Variants in RIT2 observed in about 807,000 individuals in gnomAD.
RIT2 encodes GTP-binding protein Rit2.
Under a neutral mutation model 23.7 loss-of-function variants are expected in RIT2, and 24 were observed. That is an observed-to-expected ratio of 1.01 (90% CI 0.73 to 1.43). The LOEUF (loss-of-function observed/expected upper bound fraction) is 1.43, where lower values mean the gene tolerates loss of function less well. RIT2 is among the 40% of genes most tolerant of loss of function. RIT2 has a pLI of 0.00. For synonymous variants in RIT2, 107 were observed against 91.1 expected, an observed-to-expected ratio of 1.17 and a Z score of -0.99; for missense variants, 236 against 266.9, an observed-to-expected ratio of 0.88 and a Z score of 0.81.
chr18:42,981,409 G>A (rs1910595253), intron 2 of RIT2, among the ~76,000 whole-genome samples: 1 of 152,116 alleles, frequency 6.6e-6, no homozygotes, highest in Non-Finnish European at 1.5e-5. Context: ...TCATCTGATG[G>A]ACCCTCGGAG....
intron 4 of RIT2, among the ~76,000 whole-genome samples, chr18:42,776,757 A>G (rs1375631773): frequency 6.6e-6 from 1 of 152,140 alleles, no homozygotes; most frequent in Non-Finnish European, 1.5e-5. Flanking sequence ...TCACACTCTC[A>G]ATTATTGTTC....
chr18:42,806,081 G>A (rs1905674095), intron 4 of RIT2, among the ~76,000 whole-genome samples: 1 of 138,344 alleles, frequency 7.2e-6, no homozygotes, highest in Non-Finnish European at 1.5e-5. Context: ...GTAATCAAAA[G>A]TGGAGATTTA....
chr18:42,808,952 T>C (rs1016109164), intron 4 of RIT2, among the ~76,000 whole-genome samples: 1 of 152,152 alleles, frequency 6.6e-6, no homozygotes, highest in Middle Eastern at 3.2e-3. Flanking sequence ...CCAAGCTTTC[T>C]AGCAACGTTA....
chr18:43,001,669 T>C (rs1219872890), intron 2 of RIT2, among the ~76,000 whole-genome samples: 1 of 151,970 alleles, frequency 6.6e-6, no homozygotes, highest in Non-Finnish European at 1.5e-5. Flanking sequence ...TATTAGGGCA[T>C]TTGGGATTTT....
intron 4 of RIT2, among the ~76,000 whole-genome samples, chr18:42,760,900 G>T (rs778037575): frequency 6.6e-6 from 1 of 152,176 alleles, no homozygotes; most frequent in Non-Finnish European, 1.5e-5. Context: ...GAGAGGGTAA[G>T]GTTGGGGACT....
chr18:42,744,913 G>A (rs769331537), intron 4 of RIT2, among the ~76,000 whole-genome samples: 19 of 152,262 alleles, frequency 1.2e-4, no homozygotes, highest in Non-Finnish European at 2.2e-4. Flanking sequence ...TCATGCTGTT[G>A]TAATGGATCT....
rs199507204 is a variant in RIT2, at chr18:42,990,914, T to TTG, written c.161-16768_161-16767insCA. On this transcript the variant is annotated intron_variant, in intron 2 of 4. Transcript: ENST00000326695. ...TCCTATTATGCTACACTGGTTTTGTTTTTTTTTTTTTTTTTTTAAAGACTA... is the reference window on the plus strand; with the variant it reads ...TCCTATTATGCTACACTGGTTTTGTTTGTTTTTTTTTTTTTTTTTAAAGACTA... 5.9e-3 allele frequency among the ~76,000 whole-genome samples: 869 copies of TTG among 148,390 alleles called. 13 individuals carry two copies. The highest frequency in any genetic ancestry group is 0.021 in the African/African-American group (827 of 39,964).
intron 4 of RIT2, among the ~76,000 whole-genome samples, chr18:42,770,325 C>T (rs1192975833): frequency 6.6e-6 from 1 of 152,216 alleles, no homozygotes; most frequent in Non-Finnish European, 1.5e-5. Context: ...AGCTTCCTAT[C>T]TGAGTAGAAC....
chr18:42,820,156 A>T (rs557739608), intron 4 of RIT2, among the ~76,000 whole-genome samples: 1 of 152,260 alleles, frequency 6.6e-6, no homozygotes, highest in East Asian at 1.9e-4. Flanking sequence ...ACCCATGGAT[A>T]ATGAACCCAC....
intron 4 of RIT2, among the ~76,000 whole-genome samples, chr18:42,862,874 G>C (rs532554106): frequency 1.5e-3 from 231 of 152,152 alleles, no homozygotes; most frequent in Non-Finnish European, 2.7e-3. Context: ...AAACTCCTGA[G>C]AACAAAGAAC....
At chr18:42,842,426 C>T (rs540429774) in intron 4 of RIT2, among the ~76,000 whole-genome samples, 5 of 152,146 alleles carry the variant, frequency 3.3e-5, no homozygotes, top group Non-Finnish European at 7.4e-5. Flanking sequence ...TTTCCCCAAA[C>T]TATCATTTTA....
At chr18:42,833,662 T>A (rs1016966604) in intron 4 of RIT2, among the ~76,000 whole-genome samples, 2 of 152,258 alleles carry the variant, frequency 1.3e-5, no homozygotes, top group Non-Finnish European at 2.9e-5. Flanking sequence ...TTCTCTTGAG[T>A]CAAAATCCCA....
chr18:42,933,518 C>T (rs923964834), intron 3 of RIT2, among the ~76,000 whole-genome samples: 1 of 152,106 alleles, frequency 6.6e-6, no homozygotes. Context: ...GAGGCGGTTA[C>T]CTCCATGCTG....
At chr18:42,744,695 A>G (rs1470042526) in intron 4 of RIT2, among the ~76,000 whole-genome samples, 1 of 152,212 alleles carries the variant, frequency 6.6e-6, no homozygotes, top group Non-Finnish European at 1.5e-5. Context: ...AAGCTCTATA[A>G]ATGTTAGTTG....
rs1429852196 is a variant in RIT2, at chr18:42,987,110, G to T, written c.161-12963C>A. Among the ~76,000 whole-genome samples the T allele has an allele frequency of 2.6e-5, 4 of 152,016 alleles. No homozygotes were observed. The East Asian group carries it at 5.8e-4, about 22-fold the overall frequency. On this transcript the variant is annotated intron_variant, in intron 2 of 4. Transcript: ENST00000326695. ...ACTTATGTGGCAGGCTGAATTATTG[G>T]TTTCAGTTATATATATACACATATG...
At chr18:43,106,780 A>T (rs916641440) in intron 1 of RIT2, among the ~76,000 whole-genome samples, 3 of 152,206 alleles carry the variant, frequency 2.0e-5, no homozygotes, top group African/African-American at 7.2e-5. Flanking sequence ...CTGTGGTGTT[A>T]GCTGAAGTAG....
chr18:42,824,854 A>G (rs1193425612), intron 4 of RIT2, among the ~76,000 whole-genome samples: 1 of 151,876 alleles, frequency 6.6e-6, no homozygotes, highest in African/African-American at 2.4e-5. Flanking sequence ...AGCACATACT[A>G]TCAAGACTTT....
intron 4 of RIT2, among the ~76,000 whole-genome samples, chr18:42,842,844 A>G (rs1906804923): frequency 6.6e-6 from 1 of 152,184 alleles, no homozygotes; most frequent in Non-Finnish European, 1.5e-5. Context: ...ACTTCAGCTG[A>G]GCCTCTTAGC....
intron 4 of RIT2, among the ~76,000 whole-genome samples, chr18:42,885,686 A>G (rs1908004421): frequency 6.6e-6 from 1 of 152,226 alleles, no homozygotes. Context: ...TTGGTGGAAT[A>G]GCAGTAATAT....
Sources: allele counts gnomAD v4.1 joint callset (sites outside exome capture counted in the v4.1 genomes callset), GRCh38; gene constraint gnomAD v4.1.1; transcripts MANE v1.5; gene names NCBI Gene and HGNC (gene_info 2026-07-23, HGNC 2026-07-21).